OSBPL9: variants seen among roughly 807,000 people sequenced by gnomAD.
OSBPL9 encodes oxysterol-binding protein-related protein 9.
In OSBPL9, 40 loss-of-function variants were observed where a neutral mutation model predicts 106.6. The observed-to-expected ratio is 0.38, with a 90% CI of 0.29 to 0.49. The LOEUF is 0.49. OSBPL9 is among the 20% of genes least tolerant of loss of function. OSBPL9 has a pLI of 0.97. For synonymous variants in OSBPL9, 269 were observed against 295.4 expected (o/e 0.91, Z 0.92); for missense variants, 609 against 887.2 (o/e 0.69, Z 3.98).
At chr1:51,577,184 T>G (rs1221232248) in exon 1 of OSBPL9, 1 of 152,204 alleles carries the variant, frequency 6.6e-6, no homozygotes, top group African/African-American at 2.4e-5. Context: ...CCGCCATGAT[T>G]ATAAGCTTCC....
chr1:51,758,107 T>C (rs1307049063), intron 9 of OSBPL9, among the ~76,000 whole-genome samples: 1 of 152,152 alleles, frequency 6.6e-6, no homozygotes, highest in African/African-American at 2.4e-5. Flanking sequence ...AGCATAGTTA[T>C]TTTTTCTATC....
At chr1:51,714,111 C>A in intron 4 of OSBPL9, 32 bp downstream of exon 4, 3 of 1,472,386 alleles carry the variant, frequency 2.0e-6, no homozygotes, top group South Asian at 1.3e-5. Context: ...CCAGATAGTT[C>A]ATTAGTTGTT....
rs1003886014 is a variant in OSBPL9 at position 51,601,838 on chromosome 1, C to G, written c.-353+3645C>G. Among the ~76,000 whole-genome samples, 3 of 152,168 alleles carry G rather than the reference C, an allele frequency of 2.0e-5. No individual in the cohort carries two copies. In the East Asian group the frequency reaches 5.8e-4, roughly 29 times the overall value. On this transcript the variant is annotated intron_variant, in intron 2 of 25. Transcript: ENST00000371714. ...TTTGCATTTATCATCTTGTTTAATC[C>G]TCAGGGCAATTTTGTGCAGAAGGTA... is the stretch of plus-strand genomic sequence containing the variant.
At chr1:51,547,930 CTAAG>C in the OSBPL9 span, among the ~76,000 whole-genome samples, 11 of 151,500 alleles carry the variant, frequency 7.3e-5, no homozygotes, top group African/African-American at 2.7e-4. Context: ...CTACCATGTA[CTAAG>C]TAGTGTGATT....
chr1:51,775,603 C>CATTTATTTATTTATTTATTT (rs564959096), intron 14 of OSBPL9, among the ~76,000 whole-genome samples: 7 of 151,804 alleles, frequency 4.6e-5, no homozygotes, highest in Non-Finnish European at 1.0e-4. Flanking sequence ...AGCTTGCTTG[C>CATTTATTTATTTATTTATTT]ATTTATTTAT....
In OSBPL9 at chr1:51,782,630, C is replaced by T. The variant is rs777444328; in HGVS notation, c.1500C>T (p.Ser500=). 6.2e-7 allele frequency: 1 copy of T among 1,613,722 alleles called. No individual in the cohort carries two copies. Among genetic ancestry groups the T allele is most frequent in the East Asian group, 2.2e-5 (1 of 44,874 alleles). Residue 500 remains serine (S), a synonymous_variant, in exon 17 of 24, where the codon TCC becomes TCT. Coordinates refer to ENST00000428468, the MANE Select transcript of OSBPL9 (RefSeq NM_024586.6). The part of the protein sequence containing the change: ...NSVTFVAEQV[S]HHPPISAFYA... ...TAACATTTGTGGCTGAGCAGGTTTC[C>T]CATCATCCACCCAGTAAGTTACAGA...
At chr1:51,736,000 G>A (rs888292587) in intron 4 of OSBPL9, among the ~76,000 whole-genome samples, 2 of 152,024 alleles carry the variant, frequency 1.3e-5, no homozygotes, top group Admixed American at 6.5e-5. Context: ...ATTTTTCCAC[G>A]AATATTCTGA....
rs201765213 is a variant in OSBPL9 at position 51,788,855 on chromosome 1, T to TATC, written c.*1070_*1072dup. On this transcript the variant is annotated 3_prime_UTR_variant, in exon 24 of 24. Transcript: ENST00000428468. ...ACAGAACTATATCTATCTATCTATC[T>TATC]ATCATCTTTTTTATTTAAAAATACA... Among the ~76,000 whole-genome samples the TATC allele has an allele frequency of 5.0e-4, 75 of 149,126 alleles. No individual in the cohort carries two copies. The highest frequency in any genetic ancestry group is 4.9e-4 in the Non-Finnish European group (33 of 66,876).
intron 3 of OSBPL9, among the ~76,000 whole-genome samples, chr1:51,670,342 T>C (rs1424037366): frequency 1.3e-5 from 2 of 152,222 alleles, no homozygotes; most frequent in African/African-American, 2.4e-5. Context: ...TTGGAGAGGT[T>C]AGCACTTTCT....
chr1:51,527,608 G>A, the OSBPL9 span, among the ~76,000 whole-genome samples: 1 of 151,836 alleles, frequency 6.6e-6, no homozygotes, highest in Admixed American at 6.6e-5. Context: ...TGCCCAGGCT[G>A]GTCTTGAACT....
chr1:51,591,287 G>T (rs1292471656), intron 1 of OSBPL9, among the ~76,000 whole-genome samples: 1 of 151,932 alleles, frequency 6.6e-6, no homozygotes, highest in East Asian at 1.9e-4. Context: ...GCTCAGGCTG[G>T]TCTCAAACCC....
In OSBPL9 at chr1:51,622,341, T is replaced by C. The variant is rs79550512; in HGVS notation, c.111+5120T>C. Among the ~76,000 whole-genome samples, 230 of 152,278 alleles carry C rather than the reference T, an allele frequency of 1.5e-3. 4 individuals carry two copies. The East Asian group carries it at 0.036, about 24-fold the overall frequency. On this transcript the variant is annotated intron_variant, in intron 1 of 23. Coordinates refer to ENST00000428468, the MANE Select transcript of OSBPL9 (RefSeq NM_024586.6). ...CAGATAAATATTAGTTTTTCATATA[T>C]GGAGAGTTGAGAGAGTGAGTAGAAT... is the stretch of plus-strand genomic sequence containing the variant.
upstream of OSBPL9, among the ~76,000 whole-genome samples, chr1:51,613,820 T>C (rs1644006018): frequency 6.6e-6 from 1 of 151,944 alleles, no homozygotes; most frequent in African/African-American, 2.4e-5. Flanking sequence ...CTGCTTACTG[T>C]ATCCTTGACC....
Position 51,587,041 on chromosome 1 carries a change from C to T in OSBPL9, c.-423+9785C>T, listed in dbSNP as rs1039124700. On this transcript the variant is annotated intron_variant, in intron 1 of 25. Transcript: ENST00000371714. ...CAGGTTAGCCATTTGTCACTACATT[C>T]ACACCCTAGGCCTTGTCATCAGCAG... Among the ~76,000 whole-genome samples, 3 of 152,186 alleles carry T rather than the reference C, an allele frequency of 2.0e-5. 1 individual carries two copies. The South Asian group carries it at 6.2e-4, about 32-fold the overall frequency.
At chr1:51,625,500 T>A (rs1644714020) in intron 1 of OSBPL9, among the ~76,000 whole-genome samples, 1 of 152,040 alleles carries the variant, frequency 6.6e-6, no homozygotes, top group African/African-American at 2.4e-5. Flanking sequence ...TCTCATTTAT[T>A]TAATTGTAAA....
At chr1:51,644,597 G>A (rs1292811458) in intron 1 of OSBPL9, among the ~76,000 whole-genome samples, 2 of 152,080 alleles carry the variant, frequency 1.3e-5, no homozygotes, top group African/African-American at 2.4e-5. Flanking sequence ...CAAAGTGCTG[G>A]GATTATAGAG....
the OSBPL9 span, among the ~76,000 whole-genome samples, chr1:51,518,982 C>A: frequency 6.6e-6 from 1 of 151,024 alleles, no homozygotes; most frequent in Non-Finnish European, 1.5e-5. Flanking sequence ...AGGCGCCCGA[C>A]GACCCTGGGC....
intron 1 of OSBPL9, among the ~76,000 whole-genome samples, chr1:51,580,899 T>C (rs1320500226): frequency 2.0e-4 from 1 of 5,082 alleles, no homozygotes; most frequent in East Asian, 0.012. Context: ...CCATTATATA[T>C]ATATATATAT....
chr1:51,545,390 ACT>A, the OSBPL9 span, among the ~76,000 whole-genome samples: 6 of 152,068 alleles, frequency 3.9e-5, no homozygotes, highest in East Asian at 1.9e-4. Flanking sequence ...ACATGGCGAA[ACT>A]CTGTCACTAC....
Sources: gnomAD v4.1 joint callset for allele counts (sites outside exome capture counted in the v4.1 genomes callset) on GRCh38, gnomAD v4.1.1 for gene constraint, MANE v1.5 for transcripts, NCBI Gene and HGNC (gene_info 2026-07-23, HGNC 2026-07-21) for gene names.